The following CTPS2 variants were observed in gnomAD, a reference collection of about 807,000 sequenced individuals.
CTPS2 encodes CTP synthase II.
CTPS2 carries 19 observed loss-of-function variants against 46.8 expected under a neutral mutation model. That is an observed-to-expected ratio of 0.41 (90% CI 0.28 to 0.60). The LOEUF is 0.60. Ranked by LOEUF, CTPS2 falls within the 20% of genes least tolerant of loss-of-function variation. The pLI is 0.35. For synonymous variants in CTPS2, 151 were observed against 165.2 expected, an observed-to-expected ratio of 0.91 and a Z score of 0.66; for missense variants, 286 against 447.6, an observed-to-expected ratio of 0.64 and a Z score of 3.26.
At chrX:16,632,431 T>C (rs1360087804) in intron 14 of CTPS2, among the ~76,000 whole-genome samples, 1 of 109,795 alleles carries the variant, frequency 9.1e-6, no homozygotes, top group Non-Finnish European at 1.9e-5. Context: ...TTTCTTTCTT[T>C]TTTTTTTTGA....
intron 17 of CTPS2, among the ~76,000 whole-genome samples, chrX:16,600,320 C>T (rs1002399815): frequency 1.8e-5 from 2 of 111,865 alleles, no homozygotes; most frequent in Admixed American, 9.5e-5. Context: ...GGATTCCCAG[C>T]ATGCATGAGT....
chrX:16,628,646 G>T (rs1376015351), intron 14 of CTPS2, among the ~76,000 whole-genome samples: 1 of 111,815 alleles, frequency 8.9e-6, no homozygotes, highest in African/African-American at 3.3e-5. Flanking sequence ...GATTACAGAC[G>T]TAAGCCACCA....
Position 16,693,244 on chromosome X carries a change from C to T in CTPS2, c.556-20G>A, listed in dbSNP as rs149461983. On this transcript the variant is annotated intron_variant, in intron 5 of 18. Transcript: ENST00000359276. The stretch of plus-strand genomic sequence containing the variant: ...ACTGAGCTGAAAAAAAATGGGGTCC[C>T]GTCAGCACACTGGACACTAGCTCCT... 1,666 of 1,159,187 alleles carry T rather than the reference C, an allele frequency of 1.4e-3. 12 individuals are homozygous for T. In the African/African-American group the frequency reaches 0.021, roughly 14 times the overall value.
At chrX:16,697,672 G>A (rs1024570587) in intron 4 of CTPS2, among the ~76,000 whole-genome samples, 4 of 109,366 alleles carry the variant, frequency 3.7e-5, no homozygotes, top group African/African-American at 6.7e-5. Flanking sequence ...CAAACTCATG[G>A]ACTCAAGCAA....
At chrX:16,691,819 G>A (rs1236250286) in intron 6 of CTPS2, among the ~76,000 whole-genome samples, 199 bp from the exon 7 acceptor site, 1 of 112,144 alleles carries the variant, frequency 8.9e-6, no homozygotes, top group Non-Finnish European at 1.9e-5. Flanking sequence ...TCGAAACATC[G>A]AGACGTCTCT....
At chrX:16,636,223 C>T (rs746869859) in intron 14 of CTPS2, among the ~76,000 whole-genome samples, 13 of 110,832 alleles carry the variant, frequency 1.2e-4, no homozygotes, top group East Asian at 2.9e-4. Context: ...AACGAAACCC[C>T]GTCTCTACTA....
chrX:16,699,538 T>C (rs1341336321), intron 2 of CTPS2, among the ~76,000 whole-genome samples: 1 of 112,578 alleles, frequency 8.9e-6, no homozygotes, highest in Non-Finnish European at 1.9e-5. Flanking sequence ...TAAGGCAACT[T>C]GGTGAAAGTG....
At chrX:16,677,984 C>T (rs1198359074) in intron 10 of CTPS2, among the ~76,000 whole-genome samples, 1 of 111,587 alleles carries the variant, frequency 9.0e-6, no homozygotes, top group African/African-American at 3.3e-5. Context: ...AATAAACTTG[C>T]TTTCACTTTG....
chrX:16,641,370 A>G (rs1314879786), intron 13 of CTPS2, among the ~76,000 whole-genome samples: 1 of 112,317 alleles, frequency 8.9e-6, no homozygotes, highest in Non-Finnish European at 1.9e-5. Context: ...GAGTCTTTAC[A>G]TGTAGTTTGT....
intron 10 of CTPS2, among the ~76,000 whole-genome samples, chrX:16,672,594 T>C (rs1921842175): frequency 9.0e-6 from 1 of 111,444 alleles, no homozygotes; most frequent in Non-Finnish European, 1.9e-5. Flanking sequence ...GTGGCTAATG[T>C]CTATGTTTTG....
At chrX:16,629,882 C>T (rs759761254) in intron 14 of CTPS2, among the ~76,000 whole-genome samples, 1 of 112,448 alleles carries the variant, frequency 8.9e-6, no homozygotes, top group East Asian at 2.8e-4. Context: ...TTTTCCCTTA[C>T]ATTAAAGCAG....
chrX:16,620,890 T>C (rs1442023547), intron 14 of CTPS2, among the ~76,000 whole-genome samples: 2 of 112,334 alleles, frequency 1.8e-5, no homozygotes, highest in Non-Finnish European at 3.8e-5. Context: ...AAAATGTACC[T>C]ATCCTATGAT....
rs1474392704 is a variant in CTPS2 at position 16,693,349 on chromosome X, C to T, written c.555+22G>A. Reference sequence around the variant, plus strand: ...GAAAACTTATCAAAGTTGCTGTCCACATACTTATCTGGAAAGCCCACCTGT... The same window carrying T: ...GAAAACTTATCAAAGTTGCTGTCCATATACTTATCTGGAAAGCCCACCTGT... On this transcript the variant is annotated intron_variant, in intron 5 of 18. Coordinates refer to ENST00000359276, the MANE Select transcript of CTPS2 (RefSeq NM_175859.3). 2.7e-6 allele frequency: 3 copies of T among 1,110,590 alleles called. No homozygotes were observed. The African/African-American group carries it at 5.4e-5, about 20-fold the overall frequency. 91.5% of individuals were successfully genotyped at this position (1,110,590 alleles called of 1,213,427 possible). A position where few individuals can be genotyped will look rare whatever the true frequency, so the allele number is the denominator to read the frequency against.
At chrX:16,697,711 G>C (rs1022230823) in intron 4 of CTPS2, among the ~76,000 whole-genome samples, 1 of 110,908 alleles carries the variant, frequency 9.0e-6, no homozygotes, top group Non-Finnish European at 1.9e-5. Flanking sequence ...TGAAAATGCC[G>C]GAATTGCAGG....
chrX:16,695,271 G>T (rs967567103), intron 4 of CTPS2, among the ~76,000 whole-genome samples: 2 of 111,174 alleles, frequency 1.8e-5, no homozygotes, highest in African/African-American at 6.5e-5. Flanking sequence ...ATCAGCTTCT[G>T]CCCTCACGTG....
intron 1 of CTPS2, among the ~76,000 whole-genome samples, chrX:16,709,212 G>A (rs1414251582): frequency 9.0e-6 from 1 of 111,084 alleles, no homozygotes; most frequent in East Asian, 2.8e-4. Flanking sequence ...CGGATTGCCT[G>A]AGCTCAGGAG....
chrX:16,653,472 T>C (rs1225419816), intron 13 of CTPS2, among the ~76,000 whole-genome samples: 4 of 111,823 alleles, frequency 3.6e-5, no homozygotes, highest in African/African-American at 1.3e-4. Flanking sequence ...TAGCCAGGTG[T>C]GGTGGCACAC....
At chrX:16,598,332 G>C (rs184621806) in intron 17 of CTPS2, among the ~76,000 whole-genome samples, 50 of 111,383 alleles carry the variant, frequency 4.5e-4, no homozygotes, top group African/African-American at 1.6e-3. Context: ...AAGAAAAAAA[G>C]AGAGAAGAAT....
chrX:16,607,810 A>G (rs1930056984), intron 17 of CTPS2, among the ~76,000 whole-genome samples: 1 of 112,806 alleles, frequency 8.9e-6, no homozygotes, highest in Non-Finnish European at 1.9e-5. Context: ...CCCCTACCAA[A>G]GTCTATGATA....
Sources: gnomAD v4.1 joint callset for allele counts (sites outside exome capture counted in the v4.1 genomes callset) on GRCh38, gnomAD v4.1.1 for gene constraint, MANE v1.5 for transcripts, NCBI Gene and HGNC (gene_info 2026-07-23, HGNC 2026-07-21) for gene names.